The following RNF214 variants were observed in gnomAD, a reference collection of about 807,000 sequenced individuals.
RNF214 encodes the protein ring finger protein 214.
RNF214 carries 25 observed loss-of-function variants against 75.9 expected under a neutral mutation model. That is an observed-to-expected ratio of 0.33 (90% CI 0.24 to 0.46). The LOEUF is 0.46. RNF214 is among the 20% of genes least tolerant of loss of function. The probability of loss-of-function intolerance (pLI) is 1.00; values close to 1 mark genes in which losing one functional copy is unlikely to be tolerated. For synonymous variants in RNF214, 314 were observed against 308.8 expected, an observed-to-expected ratio of 1.02 and a Z score of -0.18; for missense variants, 725 against 857.5, an observed-to-expected ratio of 0.85 and a Z score of 1.93.
chr11:117,241,591 A>G (rs1482935025), intron 4 of RNF214, among the ~76,000 whole-genome samples: 3 of 151,964 alleles, frequency 2.0e-5, no homozygotes, highest in Non-Finnish European at 2.9e-5. Flanking sequence ...AAAAAAAAAA[A>G]AAAAGTTCTT....
chr11:117,238,649 A>G lies in RNF214; in HGVS notation c.156A>G (p.Val52=). The G allele has an allele frequency of 6.2e-7, 1 of 1,614,162 alleles. No homozygotes were observed. The highest frequency in any genetic ancestry group is 8.5e-7 in the Non-Finnish European group (1 of 1,179,990). ...QKQKNSPLLS[V]SSQTITKENN... ...AGAAGAACTCGCCTCTGTTGAGTGT[A>G]AGTAGCCAAACAATAACCAAGGAGA... The change falls in exon 3 of 15, where the codon GTA becomes GTG. Residue 52 remains valine, a synonymous_variant. Coordinates refer to ENST00000300650, the MANE Select transcript of RNF214 (RefSeq NM_207343.4).
intron 6 of RNF214, among the ~76,000 whole-genome samples, chr11:117,265,410 T>G (rs1353409941): frequency 6.6e-6 from 1 of 152,182 alleles, no homozygotes; most frequent in South Asian, 2.1e-4. Context: ...CTTAGTTGTT[T>G]TGGTTTTTTT....
At chr11:117,271,618 A>C (rs1378133785) in intron 6 of RNF214, among the ~76,000 whole-genome samples, 1 of 152,194 alleles carries the variant, frequency 6.6e-6, no homozygotes, top group Non-Finnish European at 1.5e-5. Flanking sequence ...GGACAGGTTA[A>C]ATTTGAAGTA....
At chr11:117,237,708 G>A (rs1050267375) in intron 2 of RNF214, among the ~76,000 whole-genome samples, 5 of 152,172 alleles carry the variant, frequency 3.3e-5, no homozygotes, top group African/African-American at 9.7e-5. Flanking sequence ...TTGAATGGCT[G>A]TGACAAGTGA....
intron 3 of RNF214, 80 bp downstream of exon 3, chr11:117,239,191 G>C: frequency 7.1e-7 from 1 of 1,415,410 alleles, no homozygotes; most frequent in Non-Finnish European, 9.5e-7. Context: ...TTCATATTTG[G>C]TGGAGAACTT....
chr11:117,257,102 C>T (rs553801082), intron 6 of RNF214, among the ~76,000 whole-genome samples: 4 of 152,206 alleles, frequency 2.6e-5, no homozygotes, highest in Non-Finnish European at 5.9e-5. Flanking sequence ...TTTGGGAGGC[C>T]AAAGTAGGAG....
At chr11:117,246,658 G>T in intron 5 of RNF214, 151 bp from the exon 6 acceptor site, 1 of 707,060 alleles carries the variant, frequency 1.4e-6, no homozygotes, top group Non-Finnish European at 2.2e-6. Context: ...ACTGGCTTTT[G>T]GAGCTACTCA....
intron 1 of RNF214, 168 bp downstream of exon 1, chr11:117,232,894 C>CG (rs983010281): frequency 2.8e-4 from 8 of 28,582 alleles, no homozygotes; most frequent in Middle Eastern, 0.04. Context: ...AGAAGTGGGA[C>CG]GGGGGGGTGG....
rs1253834325 is a variant in RNF214 at position 117,266,853 on chromosome 11, C to CT, written c.960-13050dup. 1.2e-4 allele frequency among the ~76,000 whole-genome samples: 9 copies of CT among 76,568 alleles called. No homozygotes were observed. In the South Asian group the frequency reaches 4.7e-3, roughly 40 times the overall value. The allele number at this position is 76,568 out of a possible 152,430, so 50.2% of individuals were successfully genotyped here. A position where few individuals can be genotyped will look rare whatever the true frequency, so the allele number is the denominator to read the frequency against. ...GGATAATTTATTTATTTTCTTTCTT[C>CT]TTTTTCTTTTTTTTTTTTTGAGACA... is the stretch of plus-strand genomic sequence containing the variant. On this transcript the variant is annotated intron_variant, in intron 6 of 14. Coordinates refer to ENST00000300650, the MANE Select transcript of RNF214 (RefSeq NM_207343.4).
At chr11:117,274,167 A>G (rs2033964718) in intron 6 of RNF214, among the ~76,000 whole-genome samples, 1 of 152,002 alleles carries the variant, frequency 6.6e-6, no homozygotes, top group African/African-American at 2.4e-5. Flanking sequence ...TTATAGGGAC[A>G]GTTTCAAAAT....
chr11:117,281,111 AC>A (rs1281837513), intron 8 of RNF214, among the ~76,000 whole-genome samples: 1 of 149,790 alleles, frequency 6.7e-6, no homozygotes, highest in African/African-American at 2.5e-5. Context: ...AGTAGCTGGG[AC>A]TATAGGCGTG....
intron 2 of RNF214, among the ~76,000 whole-genome samples, chr11:117,236,172 A>G (rs1039619661): frequency 6.6e-6 from 1 of 151,380 alleles, no homozygotes; most frequent in Non-Finnish European, 1.5e-5. Flanking sequence ...TGTTGACCAG[A>G]CTGGTCTTGA....
chr11:117,260,948 C>T (rs11216337), intron 6 of RNF214, among the ~76,000 whole-genome samples: 107,003 of 149,722 alleles, frequency 0.71, 39,710 homozygotes, highest in East Asian at 0.95. Flanking sequence ...GCCACCTCGC[C>T]CGGCCAAGAT....
At chr11:117,274,475 G>A (rs1182637571) in intron 6 of RNF214, among the ~76,000 whole-genome samples, 1 of 142,332 alleles carries the variant, frequency 7.0e-6, no homozygotes, top group Non-Finnish European at 1.5e-5. Context: ...AAGTTCTCCT[G>A]CCTCAGCCTC....
chr11:117,243,435 T>G (rs1354288137), intron 4 of RNF214, among the ~76,000 whole-genome samples: 1 of 152,172 alleles, frequency 6.6e-6, no homozygotes, highest in Non-Finnish European at 1.5e-5. Flanking sequence ...CGTGAGCCAC[T>G]GCGCCCAGCC....
chr11:117,246,789 T>C lies in RNF214; in HGVS notation c.820-20T>C. The C allele has an allele frequency of 1.3e-6, 2 of 1,510,044 alleles. No individual in the cohort carries two copies. Among genetic ancestry groups the C allele is most frequent in the Non-Finnish European group, 1.8e-6 (2 of 1,126,602 alleles). 93.5% of individuals were successfully genotyped at this position (1,510,044 alleles called of 1,614,324 possible). On this transcript the variant is annotated intron_variant, in intron 5 of 14. Coordinates refer to ENST00000300650, the MANE Select transcript of RNF214 (RefSeq NM_207343.4). Reference sequence around the variant, plus strand: ...ATTTTCTTTTTTATTTGTGTGCGACTGTAATTGTGTGGAACTCAGGAGATA... The same window carrying C: ...ATTTTCTTTTTTATTTGTGTGCGACCGTAATTGTGTGGAACTCAGGAGATA...
At chr11:117,280,860 A>G (rs186304933) in intron 8 of RNF214, among the ~76,000 whole-genome samples, 5 of 151,934 alleles carry the variant, frequency 3.3e-5, no homozygotes, top group Admixed American at 3.3e-4. Context: ...AAGATACTGG[A>G]GTTAAAGTGA....
chr11:117,251,521 G>T (rs1221809073), intron 6 of RNF214, among the ~76,000 whole-genome samples: 15 of 91,072 alleles, frequency 1.6e-4, no homozygotes, highest in African/African-American at 5.7e-4. Flanking sequence ...CTGGCCGGGC[G>T]GGGGGCTGAC....
chr11:117,284,856 G>A (rs2034213315), intron 14 of RNF214, among the ~76,000 whole-genome samples: 1 of 152,152 alleles, frequency 6.6e-6, no homozygotes, highest in Non-Finnish European at 1.5e-5. Flanking sequence ...CTTGAACCCA[G>A]GAAGCAGAGG....
Sources: allele counts gnomAD v4.1 joint callset (sites outside exome capture counted in the v4.1 genomes callset), GRCh38; gene constraint gnomAD v4.1.1; transcripts MANE v1.5; gene names NCBI Gene and HGNC (gene_info 2026-07-23, HGNC 2026-07-21).